TWF2: variants seen among roughly 807,000 people sequenced by gnomAD.
TWF2 encodes twinfilin actin binding protein 2.
In TWF2, 15 loss-of-function variants were observed where a neutral mutation model predicts 45.1. The ratio of observed to expected loss-of-function variants is 0.33; its 90% CI spans 0.22 to 0.51. TWF2 has a LOEUF of 0.51. Ranked by LOEUF, TWF2 falls within the 20% of genes least tolerant of loss-of-function variation. TWF2 has a pLI of 0.97. For synonymous variants in TWF2, 177 were observed against 195.8 expected (o/e 0.90, Z 0.80); for missense variants, 423 against 469.1 (o/e 0.90, Z 0.91).
intron 8 of TWF2, among the ~76,000 whole-genome samples, chr3:52,229,432 C>G (rs1261419189): frequency 1.3e-5 from 2 of 152,232 alleles, no homozygotes; most frequent in African/African-American, 2.4e-5. Context: ...CTCCCTGTCT[C>G]CAGGCCCAGG....
Position 52,229,760 on chromosome 3 carries a change from C to G in TWF2, c.783G>C (p.Gly261=). 6 of 1,612,908 alleles carry G rather than the reference C, an allele frequency of 3.7e-6. No individual in the cohort carries two copies. Among genetic ancestry groups the G allele is most frequent in the Non-Finnish European group, 5.1e-6 (6 of 1,179,920 alleles). The change falls in exon 8 of 9, where the codon GGG becomes GGC. Residue 261 remains glycine, a synonymous_variant. Transcript: ENST00000305533. ...ESVVFIYSMP[G]YKCSIKERML... Reference sequence around the variant, plus strand: ...TTCGCTCCTTGATGCTGCACTTGTACCCCGGCATGGAGTAGATGAACACTG... The same window carrying G: ...TTCGCTCCTTGATGCTGCACTTGTAGCCCGGCATGGAGTAGATGAACACTG...
At chr3:52,234,726 C>T (rs1577987134) in intron 2 of TWF2, among the ~76,000 whole-genome samples, 1 of 152,232 alleles carries the variant, frequency 6.6e-6, no homozygotes, top group Admixed American at 6.5e-5. Context: ...CAGCCCAGCT[C>T]GGCATCCTGG....
chr3:52,233,582 A>G (rs1699698618), intron 2 of TWF2, among the ~76,000 whole-genome samples: 1 of 152,118 alleles, frequency 6.6e-6, no homozygotes, highest in Admixed American at 6.5e-5. Flanking sequence ...TACCCCAACA[A>G]CTGTCATGCA....
rs752973128 is a variant in TWF2, at chr3:52,231,974, G to C, written c.252C>G (p.Leu84=). Residue 84 remains leucine (L), a synonymous_variant, in exon 3 of 9, where the codon CTC becomes CTG. Transcript: ENST00000305533. ...DSQNAQGFEW[L]FLAWSPDNSP... ...AGTTATCAGGCGACCAGGCGAGGAA[G>C]AGCCATTCGAAGCCCTGAGCATTCT... 9 of 1,614,026 alleles carry C rather than the reference G, an allele frequency of 5.6e-6. No homozygotes were observed. The highest frequency in any genetic ancestry group is 5.5e-5 in the South Asian group (5 of 91,080).
chr3:52,238,951 C>G, intron 1 of TWF2, 41 bp downstream of exon 1: 1 of 1,580,964 alleles, frequency 6.3e-7, no homozygotes, highest in Non-Finnish European at 8.6e-7. Context: ...CTTCCGAGAG[C>G]CCAGACCGAG....
intron 6 of TWF2, 50 bp from the exon 7 acceptor site, chr3:52,230,120 A>G: frequency 6.7e-7 from 1 of 1,500,694 alleles, no homozygotes; most frequent in Non-Finnish European, 8.9e-7. Flanking sequence ...GGGTGGGCCC[A>G]GGCCCCTCTC....
intron 1 of TWF2, 22 bp downstream of exon 1, chr3:52,238,970 C>T (rs753692681): frequency 1.9e-6 from 3 of 1,590,360 alleles, no homozygotes; most frequent in Non-Finnish European, 2.6e-6. Context: ...AGGCCCCCTG[C>T]CCGCCCGCCA....
At position 52,228,776 on chromosome 3, in the gene TWF2, G is replaced by A. The variant is rs1442439013; in HGVS notation, c.*258C>T. The A allele has an allele frequency of 5.6e-6, 3 of 536,174 alleles. No individual in the cohort carries two copies. The highest frequency in any genetic ancestry group is 9.8e-6 in the Non-Finnish European group (3 of 307,158). The allele number at this position is 536,174 out of a possible 1,614,324, so 33.2% of individuals were successfully genotyped here. Reference sequence around the variant, plus strand: ...CCCCGGGAGGCCAGGTTCATGCCAGGCCCCTGACCCAGCCCCCTTAAGCCA... The same window carrying A: ...CCCCGGGAGGCCAGGTTCATGCCAGACCCCTGACCCAGCCCCCTTAAGCCA... On this transcript the variant is annotated 3_prime_UTR_variant, in exon 9 of 9. Coordinates refer to ENST00000305533, the MANE Select transcript of TWF2 (RefSeq NM_007284.4).
At chr3:52,231,683 T>C (rs1699680131) in intron 3 of TWF2, 144 bp from the exon 4 acceptor site, 6 of 1,034,640 alleles carry the variant, frequency 5.8e-6, no homozygotes, top group Middle Eastern at 3.1e-4. Flanking sequence ...ACGCAGCAGG[T>C]GGCCCCCACC....
chr3:52,231,252 G>A (rs1367922772), intron 4 of TWF2, 21 bp from the exon 5 acceptor site: 3 of 1,613,416 alleles, frequency 1.9e-6, no homozygotes, highest in Non-Finnish European at 2.5e-6. Context: ...GGGGGTGAAT[G>A]CAGAGCCATA....
Position 52,228,983 on chromosome 3 carries a change from G to A in TWF2, c.*51C>T, listed in dbSNP as rs377523936. 133 of 1,574,182 alleles carry A rather than the reference G, an allele frequency of 8.4e-5. No homozygotes were observed. The highest frequency in any genetic ancestry group is 5.8e-4 in the South Asian group (50 of 86,400). On this transcript the variant is annotated 3_prime_UTR_variant, in exon 9 of 9. Coordinates refer to ENST00000305533, the MANE Select transcript of TWF2 (RefSeq NM_007284.4). Reference sequence around the variant, plus strand: ...AGGAAGGAGGATGGTGGCAGGGAGCGGAAGGTGGGCAGCCCCACAGTCCAC... The same window carrying A: ...AGGAAGGAGGATGGTGGCAGGGAGCAGAAGGTGGGCAGCCCCACAGTCCAC...
chr3:52,229,789 G>A lies in TWF2; in HGVS notation c.761-7C>T, dbSNP rs1699661028. The stretch of plus-strand genomic sequence containing the variant: ...GGCATGGAGTAGATGAACACTGTTG[G>A]GGGGCAGGAGGTGAGCCTGGGAGGC... On this transcript the variant is annotated splice_polypyrimidine_tract_variant and splice_region_variant and intron_variant, in intron 7 of 8. Coordinates refer to ENST00000305533, the MANE Select transcript of TWF2 (RefSeq NM_007284.4). 1 of 1,608,074 alleles carries A rather than the reference G, an allele frequency of 6.2e-7. No homozygotes were observed. Among genetic ancestry groups the A allele is most frequent in the South Asian group, 1.1e-5 (1 of 91,022 alleles).
intron 1 of TWF2, among the ~76,000 whole-genome samples, chr3:52,235,767 G>A (rs1419106436): frequency 6.6e-6 from 1 of 152,190 alleles, no homozygotes; most frequent in Non-Finnish European, 1.5e-5. Flanking sequence ...GCTTGGCTGA[G>A]ACGTGTGTGC....
chr3:52,231,085 G>C (rs1699673022), intron 5 of TWF2, 42 bp downstream of exon 5: 1 of 1,613,202 alleles, frequency 6.2e-7, no homozygotes, highest in Non-Finnish European at 8.5e-7. Context: ...GGGCCGATAT[G>C]ACCCTGAGGG....
intron 6 of TWF2, among the ~76,000 whole-genome samples, chr3:52,230,413 C>A (rs766502756): frequency 6.6e-6 from 1 of 152,202 alleles, no homozygotes; most frequent in African/African-American, 2.4e-5. Context: ...AGGCCTCTGG[C>A]GGAAGCATCT....
In TWF2 at chr3:52,229,141, T is replaced by C. The variant is rs1699652923; in HGVS notation, c.943A>G (p.Lys315Glu). ...AEFLYDEVHP[K>E]QHAFKQAFAK... ...AAGGCCTGCTTGAAGGCGTGTTGCT[T>C]GGGGTGCACCTCGTCGTAGAGGAAC... The change falls in exon 9 of 9, where the codon AAG (lysine) becomes GAG (glutamate). Residue 315 changes from lysine to glutamate, a missense_variant. Transcript: ENST00000305533. 6.2e-7 allele frequency: 1 copy of C among 1,613,478 alleles called. No homozygotes were observed. The highest frequency in any genetic ancestry group is 8.5e-7 in the Non-Finnish European group (1 of 1,180,020).
rs779092963 is a variant in TWF2 at position 52,235,124 on chromosome 3, A to G, written c.26-18T>C. 2 of 1,612,752 alleles carry G rather than the reference A, an allele frequency of 1.2e-6. No homozygotes were observed. Among genetic ancestry groups the G allele is most frequent in the Non-Finnish European group, 1.7e-6 (2 of 1,179,258 alleles). ...TTCCGTGGCTATAAGAACAAGAAAC[A>G]TGGTGGGGGATGAGTGGGCAGAGTG... On this transcript the variant is annotated intron_variant, in intron 1 of 8. Transcript: ENST00000305533.
At position 52,229,606 on chromosome 3, in the gene TWF2, A is replaced by G. The variant is rs147881772; in HGVS notation, c.882+55T>C. The stretch of plus-strand genomic sequence containing the variant: ...TCATCTCAGGACCCCAGCGCCCCAC[A>G]TGGAGATTGGAGTGATAGGGCCTGG... On this transcript the variant is annotated intron_variant, in intron 8 of 8. Transcript: ENST00000305533. The G allele has an allele frequency of 5.7e-3, 9,158 of 1,595,870 alleles. 74 individuals are homozygous for G. The highest frequency in any genetic ancestry group is 0.024 in the South Asian group (2,119 of 90,012).
At chr3:52,229,572 G>C in intron 8 of TWF2, 89 bp downstream of exon 8, 1 of 1,554,386 alleles carries the variant, frequency 6.4e-7, no homozygotes, top group Non-Finnish European at 8.7e-7. Flanking sequence ...AACGATTCCT[G>C]CTCTGCCGTC....
Sources: allele counts gnomAD v4.1 joint callset (sites outside exome capture counted in the v4.1 genomes callset), GRCh38; gene constraint gnomAD v4.1.1; transcripts MANE v1.5; gene names NCBI Gene and HGNC (gene_info 2026-07-23, HGNC 2026-07-21).